USP49: variants seen among roughly 807,000 people sequenced by gnomAD.
USP49 encodes the protein ubiquitin specific peptidase 49, also known as ubiquitin carboxyl-terminal hydrolase 49.
In USP49, 24 loss-of-function variants were observed where a neutral mutation model predicts 58.6. The observed-to-expected ratio is 0.41, with a 90% CI of 0.30 to 0.58. USP49 has a LOEUF of 0.58. Ranked by LOEUF, USP49 falls within the 20% of genes least tolerant of loss-of-function variation. USP49 has a pLI of 0.30. For missense variants in USP49, 703 were observed against 866.1 expected, an observed-to-expected ratio of 0.81 and a Z score of 2.36; for synonymous variants, 408 against 365.1, an observed-to-expected ratio of 1.12 and a Z score of -1.34.
At chr6:41,841,381 TGAA>T (rs1773825348) in intron 3 of USP49, among the ~76,000 whole-genome samples, 1 of 152,190 alleles carries the variant, frequency 6.6e-6, no homozygotes, top group Admixed American at 6.6e-5. Context: ...GATTCTAGGT[TGAA>T]GGCCCATCTA....
intron 3 of USP49, among the ~76,000 whole-genome samples, chr6:41,809,631 C>A (rs1004233223): frequency 1.3e-5 from 2 of 151,052 alleles, no homozygotes; most frequent in African/African-American, 4.9e-5. Context: ...TCGAGACCAT[C>A]CTGCCTAACG....
chr6:41,817,457 CTTTTT>C lies in USP49; in HGVS notation c.-28-10451_-28-10447del, dbSNP rs58559695. ...CACCACGCTCGGCCTTTCTTTCTTT[CTTTTT>C]TTTTTTTTTTTTTTTGAGATGGAGT... is the stretch of plus-strand genomic sequence containing the variant. On this transcript the variant is annotated intron_variant, in intron 3 of 7. Coordinates refer to ENST00000682992, the MANE Select transcript of USP49 (RefSeq NM_001286554.2). Among the ~76,000 whole-genome samples the C allele has an allele frequency of 1.9e-4, 14 of 74,792 alleles. No individual in the cohort carries two copies. In the East Asian group the frequency reaches 2.5e-3, roughly 14 times the overall value. 49.1% of individuals were successfully genotyped at this position (74,792 alleles called of 152,430 possible).
chr6:41,845,452 G>A (rs575049137), intron 3 of USP49, among the ~76,000 whole-genome samples: 136 of 152,040 alleles, frequency 8.9e-4, no homozygotes, highest in African/African-American at 3.1e-3. Flanking sequence ...CCCAGGAGGC[G>A]GAGGTTGTGG....
rs755120139 is a variant in USP49, at chr6:41,806,452, G to C, written c.532C>G (p.Leu178Val). The C allele has an allele frequency of 1.9e-6, 3 of 1,592,518 alleles. No individual in the cohort carries two copies. The highest frequency in any genetic ancestry group is 1.3e-5 in the African/African-American group (1 of 74,812). Residue 178 changes from leucine (L) to valine (V), a missense_variant, in exon 4 of 8, where the codon CTG (leucine) becomes GTG (valine). Physicochemically the swap from Leu to Val is conservative, Grantham distance 32. Coordinates refer to ENST00000682992, the MANE Select transcript of USP49 (RefSeq NM_001286554.2). The surrounding 1 kb of genome is among the most constrained non-coding windows in gnomAD (Gnocchi z 5.9). ...KLEQRRQEEA[L>V]ERKKEEARRR... ...CGCGCCTCCTCCTTCTTGCGCTCCA[G>C]GGCCTCCTCCTGCCGCCGCTGCTCC...
rs1773031267 is a variant in USP49 at position 41,802,460 on chromosome 6, ATTTATTTATTTTTTATTTAT to A, written c.1561+1326_1561+1345del. 1.4e-4 allele frequency among the ~76,000 whole-genome samples: 10 copies of A among 71,390 alleles called. No individual in the cohort carries two copies. The South Asian group carries it at 3.5e-3, about 25-fold the overall frequency. The allele number at this position is 71,390 out of a possible 152,430, so 46.8% of individuals were successfully genotyped here. ...TATTTATTTATTTATTTATTTATTTATTTATTTATTTTTTATTTATTTTTTTTTTTTGAGACAGCATCTCG... is the reference window on the plus strand; with the variant it reads ...TATTTATTTATTTATTTATTTATTTATTTTTTTTTTTGAGACAGCATCTCG... On this transcript the variant is annotated intron_variant, in intron 5 of 7. Coordinates refer to ENST00000682992, the MANE Select transcript of USP49 (RefSeq NM_001286554.2).
At position 41,852,527 on chromosome 6, in the gene USP49, G is replaced by A. The variant is rs534997032; in HGVS notation, c.-29+19037C>T. Reference sequence around the variant, plus strand: ...TACACTTAGGAATAAAACTGAGCAAGTGAAAGACTTGGACGATGAAGACTA... The same window carrying A: ...TACACTTAGGAATAAAACTGAGCAAATGAAAGACTTGGACGATGAAGACTA... On this transcript the variant is annotated intron_variant, in intron 3 of 7. Coordinates refer to ENST00000682992, the MANE Select transcript of USP49 (RefSeq NM_001286554.2). Among the ~76,000 whole-genome samples the A allele has an allele frequency of 2.6e-5, 4 of 152,274 alleles. No individual in the cohort carries two copies. In the South Asian group the frequency reaches 8.3e-4, roughly 32 times the overall value.
chr6:41,824,961 C>A (rs141715159), intron 3 of USP49, among the ~76,000 whole-genome samples: 1 of 152,170 alleles, frequency 6.6e-6, no homozygotes, highest in Non-Finnish European at 1.5e-5. Flanking sequence ...ATAAAGCAGA[C>A]GTACTTCTGG....
chr6:41,803,921 T>C lies in USP49; in HGVS notation c.1446A>G (p.Ile482Met). Reference protein sequence around the residue: ...SLEFPERYHCIEKGFVPLNQT... With the variant: ...SLEFPERYHCMEKGFVPLNQT... The stretch of plus-strand genomic sequence containing the variant: ...GATTCAAAGGGACAAACCCCTTTTC[T>C]ATGCAGTGATAGCGTTCAGGGAATT... Residue 482 changes from isoleucine (I) to methionine (M), a missense_variant, in exon 5 of 8, where the codon ATA becomes ATG. Coordinates refer to ENST00000682992, the MANE Select transcript of USP49 (RefSeq NM_001286554.2). This position sits in a 1 kb window ranked among gnomAD's most constrained non-coding sequence, Gnocchi z 4.1. 6.2e-7 allele frequency: 1 copy of C among 1,614,222 alleles called. No individual in the cohort carries two copies. Among genetic ancestry groups the C allele is most frequent in the South Asian group, 1.1e-5 (1 of 91,078 alleles).
Position 41,806,434 on chromosome 6 carries a change from C to T in USP49, c.550G>A (p.Glu184Lys), listed in dbSNP as rs1043816656. 6.3e-7 allele frequency: 1 copy of T among 1,584,730 alleles called. No individual in the cohort carries two copies. Among genetic ancestry groups the T allele is most frequent in the Non-Finnish European group, 8.5e-7 (1 of 1,173,950 alleles). Residue 184 changes from glutamate to lysine, a missense_variant, in exon 4 of 8, where the codon GAG (glutamate) becomes AAG (lysine). By Grantham distance (56) the Glu-to-Lys change is moderately conservative. Around this residue, in one of 6 missense-constraint regions of USP49, gnomAD observed 376 missense variants for 373.5 expected, o/e 1.01. Coordinates refer to ENST00000682992, the MANE Select transcript of USP49 (RefSeq NM_001286554.2). This position sits in a 1 kb window ranked among gnomAD's most constrained non-coding sequence, Gnocchi z 5.9. ...ACCTCGCGCCGCCGCCTCCGCGCCTCCTCCTTCTTGCGCTCCAGGGCCTCC... is the reference window on the plus strand; with the variant it reads ...ACCTCGCGCCGCCGCCTCCGCGCCTTCTCCTTCTTGCGCTCCAGGGCCTCC... Reference protein sequence around the residue: ...QEEALERKKEEARRRRREVKR... With the variant: ...QEEALERKKEKARRRRREVKR...
chr6:41,803,411 C>T lies in USP49; in HGVS notation c.1561+395G>A, dbSNP rs1419088633. 6.6e-6 allele frequency among the ~76,000 whole-genome samples: 1 copy of T among 152,232 alleles called. No homozygotes were observed. The highest frequency in any genetic ancestry group is 1.5e-5 in the Non-Finnish European group (1 of 68,046). ...CTCCGCTTCCTGGGTTCAACCGATT[C>T]TCCTGCCTCAGCCTCCCGAGTAGCT... On this transcript the variant is annotated intron_variant, in intron 5 of 7. Transcript: ENST00000682992. This position sits in a 1 kb window ranked among gnomAD's most constrained non-coding sequence, Gnocchi z 4.1.
rs780327350 is a variant in USP49 at position 41,806,387 on chromosome 6, C to T, written c.597G>A (p.Glu199=). The part of the protein sequence containing the change: ...RREVKRRLLE[E]LASTPPRKSA... ...TCTTGCGCGGAGGGGTGCTGGCCAG[C>T]TCCTCCAGCAGCCGCCGTTTCACCT... The change falls in exon 4 of 8, where the codon GAG becomes GAA. Residue 199 remains glutamate (E), a synonymous_variant. Transcript: ENST00000682992. The surrounding 1 kb of genome is among the most constrained non-coding windows in gnomAD (Gnocchi z 5.9). 3.0e-5 allele frequency: 46 copies of T among 1,551,490 alleles called. No homozygotes were observed. In the African/African-American group the frequency reaches 4.2e-4, roughly 14 times the overall value.
At chr6:41,798,648 TA>T (rs762718423) in intron 7 of USP49, 75 bp downstream of exon 7, 1 of 1,608,086 alleles carries the variant, frequency 6.2e-7, no homozygotes, top group South Asian at 1.1e-5. Flanking sequence ...GGGATGGAAA[TA>T]AAAGGAAAAC....
intron 3 of USP49, among the ~76,000 whole-genome samples, chr6:41,860,184 AAGACTT>A (rs1774195310): frequency 6.6e-6 from 1 of 152,184 alleles, no homozygotes; most frequent in Non-Finnish European, 1.5e-5. Context: ...GGAACTCTAC[AAGACTT>A]AGACTTAGTT....
intron 3 of USP49, among the ~76,000 whole-genome samples, chr6:41,844,299 G>C (rs889355405): frequency 4.6e-5 from 7 of 151,906 alleles, no homozygotes; most frequent in African/African-American, 1.5e-4. Context: ...AGGCAACTGC[G>C]TATGTTGCAG....
intron 3 of USP49, among the ~76,000 whole-genome samples, chr6:41,824,779 A>C (rs988083784): frequency 6.6e-6 from 1 of 152,186 alleles, no homozygotes; most frequent in Non-Finnish European, 1.5e-5. Context: ...AAATTAAAGA[A>C]AGCAGAATCA....
At chr6:41,796,910 C>A (rs1300549187) in intron 7 of USP49, among the ~76,000 whole-genome samples, 187 bp from the exon 8 acceptor site, 2 of 151,708 alleles carry the variant, frequency 1.3e-5, no homozygotes, top group Non-Finnish European at 2.9e-5. Flanking sequence ...TTTAACCCCA[C>A]CAAGCCCCAC....
chr6:41,881,520 G>A (rs1320927691), intron 2 of USP49, among the ~76,000 whole-genome samples: 1 of 151,602 alleles, frequency 6.6e-6, no homozygotes, highest in Non-Finnish European at 1.5e-5. Context: ...ATTTCTAAGG[G>A]GAAAAAGAAA....
intron 2 of USP49, among the ~76,000 whole-genome samples, chr6:41,874,631 T>C (rs1172371743): frequency 2.6e-5 from 4 of 152,166 alleles, no homozygotes; most frequent in African/African-American, 4.8e-5. Context: ...GCTAGTTAAG[T>C]GGCAAGGCAA....
intron 2 of USP49, among the ~76,000 whole-genome samples, chr6:41,891,561 T>C (rs1206571879): frequency 6.6e-6 from 1 of 152,178 alleles, no homozygotes; most frequent in Admixed American, 6.5e-5. Context: ...ATTATTAAGT[T>C]TATGAAGAAC....
Sources: gnomAD v4.1 joint callset for allele counts (sites outside exome capture counted in the v4.1 genomes callset) on GRCh38, gnomAD v4.1.1 for gene constraint, gnomAD v4.1.1 regional missense constraint, Gnocchi (gnomAD v3.1) non-coding constraint, MANE v1.5 for transcripts, NCBI Gene and HGNC (gene_info 2026-07-23, HGNC 2026-07-21) for gene names.